The following STK10 variants were observed in gnomAD, a reference collection of about 807,000 sequenced individuals.
The protein encoded by STK10 is serine/threonine-protein kinase 10.
A neutral mutation model predicts 113.8 loss-of-function variants in STK10; 78 were observed. The observed-to-expected ratio is 0.69, with a 90% CI of 0.57 to 0.83. The LOEUF is 0.83. Among genes scored for constraint, STK10 ranks in the 40% least tolerant of loss-of-function variants. The pLI is 0.00. For missense variants in STK10, 1,109 were observed against 1,280.1 expected (o/e 0.87, Z 2.04); for synonymous variants, 465 against 494.7 (o/e 0.94, Z 0.80).
chr5:172,141,706 G>A (rs1465489819), intron 2 of STK10, among the ~76,000 whole-genome samples: 1 of 152,156 alleles, frequency 6.6e-6, no homozygotes, highest in African/African-American at 2.4e-5. Context: ...CAGAGGTGTG[G>A]TCTCTGCACC....
intron 1 of STK10, among the ~76,000 whole-genome samples, chr5:172,178,898 C>T (rs1486924114): frequency 6.6e-6 from 1 of 152,224 alleles, no homozygotes; most frequent in Non-Finnish European, 1.5e-5. Flanking sequence ...GTTGCCACAA[C>T]TGCAAGGAGG....
chr5:172,118,650 C>CG (rs60585981), intron 3 of STK10, among the ~76,000 whole-genome samples: 23,773 of 151,420 alleles, frequency 0.16, 1,958 homozygotes, highest in African/African-American at 0.21. Context: ...GAAGCAGAGG[C>CG]GGGGGGGATC....
At chr5:172,159,249 A>G (rs994250328) in intron 1 of STK10, among the ~76,000 whole-genome samples, 1 of 152,224 alleles carries the variant, frequency 6.6e-6, no homozygotes, top group Non-Finnish European at 1.5e-5. Flanking sequence ...GTGTTGAACA[A>G]GTACACATGG....
intron 13 of STK10, 28 bp downstream of exon 13, chr5:172,064,692 C>A: frequency 9.3e-6 from 15 of 1,610,560 alleles, no homozygotes; most frequent in Non-Finnish European, 1.3e-5. Context: ...CCAGCCCCTG[C>A]GCTCCCCAGC....
chr5:172,102,807 T>C (rs1769019342), intron 7 of STK10, among the ~76,000 whole-genome samples: 1 of 152,072 alleles, frequency 6.6e-6, no homozygotes, highest in Non-Finnish European at 1.5e-5. Context: ...GACAGCTGTA[T>C]GTTAAAAATG....
intron 2 of STK10, among the ~76,000 whole-genome samples, chr5:172,147,593 C>T (rs969843061): frequency 2.0e-5 from 3 of 152,118 alleles, no homozygotes; most frequent in South Asian, 2.1e-4. Flanking sequence ...GGGGTTTCAC[C>T]ATATTGGCCA....
In STK10 at chr5:172,077,154, C is replaced by A. The variant is rs376621186; in HGVS notation, c.1989+5172G>T. On this transcript the variant is annotated intron_variant, in intron 12 of 18. Transcript: ENST00000176763. The stretch of plus-strand genomic sequence containing the variant: ...ATGCTGCTGGATGTCAGAAAACCTG[C>A]ATTCTAGTCCAGCTACGTGTCTTCA... Among the ~76,000 whole-genome samples the A allele has an allele frequency of 5.3e-5, 8 of 152,322 alleles. No homozygotes were observed. In the East Asian group the frequency reaches 9.6e-4, roughly 18 times the overall value.
chr5:172,159,227 C>T (rs1295433812), intron 1 of STK10, among the ~76,000 whole-genome samples: 1 of 152,190 alleles, frequency 6.6e-6, no homozygotes, highest in Non-Finnish European at 1.5e-5. Flanking sequence ...CACCCTGCTG[C>T]ATGGGGTTCC....
chr5:172,164,312 C>T (rs1198807380), intron 1 of STK10, among the ~76,000 whole-genome samples: 3 of 151,772 alleles, frequency 2.0e-5, no homozygotes, highest in Admixed American at 2.0e-4. Context: ...GCTGCAAGCT[C>T]TCCTTGACTT....
chr5:172,150,713 C>T (rs776370177), intron 2 of STK10, among the ~76,000 whole-genome samples: 5 of 152,172 alleles, frequency 3.3e-5, no homozygotes, highest in Admixed American at 6.5e-5. Flanking sequence ...TGGCCAGCAA[C>T]GTGTGGTCAT....
chr5:172,064,689 C>T, intron 13 of STK10, 31 bp downstream of exon 13: 1 of 1,612,294 alleles, frequency 6.2e-7, no homozygotes, highest in Non-Finnish European at 8.5e-7. Flanking sequence ...GCACCAGCCC[C>T]TGCGCTCCCC....
At chr5:172,105,046 G>A (rs1769066390) in intron 7 of STK10, among the ~76,000 whole-genome samples, 1 of 152,044 alleles carries the variant, frequency 6.6e-6, no homozygotes, top group Non-Finnish European at 1.5e-5. Flanking sequence ...TCTCCTGTGG[G>A]GAGAGAATAT....
In STK10 at chr5:172,061,414, G is replaced by C; in HGVS notation, c.2083-146C>G. ...ATTGGTGGAGGAGAAATTTAAGGGA[G>C]ACTTAGAGACGCATCAACCAATTTC... is the stretch of plus-strand genomic sequence containing the variant. On this transcript the variant is annotated intron_variant, in intron 13 of 18. Transcript: ENST00000176763. 6 of 1,144,694 alleles carry C rather than the reference G, an allele frequency of 5.2e-6. No homozygotes were observed. In the South Asian group the frequency reaches 8.2e-5, roughly 16 times the overall value. The allele number at this position is 1,144,694 out of a possible 1,614,324, so 70.9% of individuals were successfully genotyped here. A position where few individuals can be genotyped will look rare whatever the true frequency, so the allele number is the denominator to read the frequency against.
At chr5:172,070,903 A>G (rs1768162643) in intron 12 of STK10, among the ~76,000 whole-genome samples, 1 of 152,164 alleles carries the variant, frequency 6.6e-6, no homozygotes, top group Admixed American at 6.6e-5. Context: ...CTTGAAAGAC[A>G]GAAGCTACTA....
At chr5:172,160,352 G>A (rs561822976) in intron 1 of STK10, among the ~76,000 whole-genome samples, 4 of 151,664 alleles carry the variant, frequency 2.6e-5, no homozygotes, top group East Asian at 1.9e-4. Context: ...GCACATGCCT[G>A]TAATCTCAGC....
At chr5:172,144,774 T>TAC (rs1770052876) in intron 2 of STK10, among the ~76,000 whole-genome samples, 1 of 152,142 alleles carries the variant, frequency 6.6e-6, no homozygotes, top group African/African-American at 2.4e-5. Context: ...CCTAAGCGTG[T>TAC]ACGTGCCATG....
intron 1 of STK10, among the ~76,000 whole-genome samples, chr5:172,184,744 C>T (rs957250030): frequency 4.6e-5 from 7 of 152,162 alleles, no homozygotes; most frequent in South Asian, 4.1e-4. Flanking sequence ...CTCCGCCTCA[C>T]GGGTTCAAGC....
intron 13 of STK10, 146 bp from the exon 14 acceptor site, chr5:172,061,414 G>A (rs964932561): frequency 8.7e-6 from 10 of 1,144,694 alleles, no homozygotes; most frequent in African/African-American, 1.6e-5. Context: ...ATTTAAGGGA[G>A]ACTTAGAGAC....
At chr5:172,140,672 G>C (rs779628226) in intron 2 of STK10, among the ~76,000 whole-genome samples, 20 of 152,112 alleles carry the variant, frequency 1.3e-4, no homozygotes, top group Non-Finnish European at 2.9e-4. Context: ...ACTCCAGCCT[G>C]GGCAACTGAG....
Sources: gnomAD v4.1 joint callset for allele counts (sites outside exome capture counted in the v4.1 genomes callset) on GRCh38, gnomAD v4.1.1 for gene constraint, MANE v1.5 for transcripts, NCBI Gene and HGNC (gene_info 2026-07-23, HGNC 2026-07-21) for gene names.